The following SRSF10 variants were observed in gnomAD, a reference collection of about 807,000 sequenced individuals.
The protein encoded by SRSF10 is serine/arginine-rich splicing factor 10.
SRSF10 carries 9 observed loss-of-function variants against 32.6 expected under a neutral mutation model. The observed-to-expected ratio is 0.28, with a 90% CI of 0.17 to 0.48. SRSF10 has a LOEUF of 0.48. Ranked by LOEUF, SRSF10 falls within the 20% of genes least tolerant of loss-of-function variation. The pLI is 0.99. For missense variants in SRSF10, 201 were observed against 331.8 expected, an observed-to-expected ratio of 0.61 and a Z score of 3.06; for synonymous variants, 105 against 112.4, an observed-to-expected ratio of 0.93 and a Z score of 0.42.
rs1448861645 is a variant in SRSF10 at position 23,968,146 on chromosome 1, C to T, written c.*2996G>A. Among the ~76,000 whole-genome samples the T allele has an allele frequency of 5.3e-5, 8 of 152,014 alleles. No homozygotes were observed. The highest frequency in any genetic ancestry group is 1.2e-4 in the Non-Finnish European group (8 of 67,984). The stretch of plus-strand genomic sequence containing the variant: ...CTAACATAAAACACTACGTAAAGAT[C>T]CTCATCAAGTATCAGTAGGATCCAA... On this transcript the variant is annotated 3_prime_UTR_variant, in exon 6 of 6. Coordinates refer to ENST00000492112, the MANE Select transcript of SRSF10 (RefSeq NM_054016.4).
intron 1 of SRSF10, chr1:23,979,054 C>CTT (rs1220690496): frequency 2.0e-4 from 9 of 44,894 alleles, no homozygotes; most frequent in African/African-American, 6.6e-4. Flanking sequence ...GTATATAAGC[C>CTT]TTGTTTTTTT....
intron 1 of SRSF10, 95 bp from the exon 2 acceptor site, chr1:23,978,912 G>C (rs915663277): frequency 9.3e-7 from 1 of 1,079,314 alleles, no homozygotes. Flanking sequence ...TAGGATCCAA[G>C]AATTTGGAAG....
At chr1:23,972,122 A>C in intron 3 of SRSF10, 110 bp from the exon 4 acceptor site, 1 of 963,258 alleles carries the variant, frequency 1.0e-6, no homozygotes. Context: ...CAAAGAGAGT[A>C]TGTATGACCC....
rs1570760504 is a variant in SRSF10, at chr1:23,967,774, G to A, written c.*3368C>T. Reference sequence around the variant, plus strand: ...AGTTTGGTTTCCTTTATTCTTCTCTGTGGTATACAGGATTTTGTTAGTTGA... The same window carrying A: ...AGTTTGGTTTCCTTTATTCTTCTCTATGGTATACAGGATTTTGTTAGTTGA... On this transcript the variant is annotated 3_prime_UTR_variant, in exon 6 of 6. Transcript: ENST00000492112. 6.2e-7 allele frequency: 1 copy of A among 1,604,458 alleles called. No homozygotes were observed. Among genetic ancestry groups the A allele is most frequent in the Admixed American group, 1.7e-5 (1 of 58,544 alleles).
In SRSF10 at chr1:23,967,797, TG is replaced by T; in HGVS notation, c.*3344del. 1.3e-6 allele frequency: 2 copies of T among 1,591,660 alleles called. No homozygotes were observed. The highest frequency in any genetic ancestry group is 1.7e-6 in the Non-Finnish European group (2 of 1,166,860). On this transcript the variant is annotated 3_prime_UTR_variant, in exon 6 of 6. Transcript: ENST00000492112. The stretch of plus-strand genomic sequence containing the variant: ...CTGTGGTATACAGGATTTTGTTAGT[TG>T]AACTGGATGTAGCAGCTTACTGGGC...
rs36002299 is a variant in SRSF10 at position 23,967,960 on chromosome 1, CAAAAA to C, written c.*3177_*3181del. On this transcript the variant is annotated 3_prime_UTR_variant, in exon 6 of 6. Transcript: ENST00000492112. ...ATTTTTCTTCTTGCTTACTTGGCTTCAAAAAAAAAAAAAAAATGCAGAGAGATCTT... is the reference window on the plus strand; with the variant it reads ...ATTTTTCTTCTTGCTTACTTGGCTTCAAAAAAAAAAATGCAGAGAGATCTT... 6 of 1,447,812 alleles carry C rather than the reference CAAAAA, an allele frequency of 4.1e-6. No homozygotes were observed. The highest frequency in any genetic ancestry group is 3.0e-5 in the African/African-American group (2 of 65,916). 89.7% of individuals were successfully genotyped at this position (1,447,812 alleles called of 1,614,324 possible). A position where few individuals can be genotyped will look rare whatever the true frequency, so the allele number is the denominator to read the frequency against.
chr1:23,975,294 G>A (rs926325037), intron 2 of SRSF10: 1 of 517,492 alleles, frequency 1.9e-6, no homozygotes, highest in Non-Finnish European at 3.5e-6. Context: ...GAAAATGTAT[G>A]AATACATATT....
chr1:23,980,238 A>G lies in SRSF10; in HGVS notation c.18T>C (p.Arg6=). ...TGACGAACAGAGACGTGTTGGGGGG[A>G]CGCAGGTAGCGGGACATGGCGGCGG... is the stretch of plus-strand genomic sequence containing the variant. The part of the protein sequence containing the change: MSRYL[R]PPNTSLFVRN... Residue 6 remains arginine, a synonymous_variant, in exon 1 of 6, where the codon CGT becomes CGC. Coordinates refer to ENST00000492112, the MANE Select transcript of SRSF10 (RefSeq NM_054016.4). The G allele has an allele frequency of 2.0e-6, 3 of 1,511,866 alleles. No individual in the cohort carries two copies. The highest frequency in any genetic ancestry group is 2.9e-5 in the African/African-American group (2 of 69,310). The allele number at this position is 1,511,866 out of a possible 1,614,324, so 93.7% of individuals were successfully genotyped here. A position where few individuals can be genotyped will look rare whatever the true frequency, so the allele number is the denominator to read the frequency against.
At position 23,965,713 on chromosome 1, in the gene SRSF10, C is replaced by T. The variant is rs1394172082; in HGVS notation, c.*5429G>A. 3 of 151,792 alleles carry T rather than the reference C, an allele frequency of 2.0e-5. No homozygotes were observed. Among genetic ancestry groups the T allele is most frequent in the Non-Finnish European group, 2.9e-5 (2 of 67,818 alleles). The allele number at this position is 151,792 out of a possible 1,614,324, so 9.4% of individuals were successfully genotyped here. On this transcript the variant is annotated 3_prime_UTR_variant, in exon 6 of 6. Coordinates refer to ENST00000492112, the MANE Select transcript of SRSF10 (RefSeq NM_054016.4). ...TTCAACAGATGCAAAAATTAAAGGG[C>T]CTTTTCTGATTTACCATAATTAAAT...
Position 23,972,017 on chromosome 1 carries a change from G to C in SRSF10, c.275-5C>G. 6.8e-7 allele frequency: 1 copy of C among 1,470,514 alleles called. No individual in the cohort carries two copies. Among genetic ancestry groups the C allele is most frequent in the Non-Finnish European group, 9.0e-7 (1 of 1,114,564 alleles). The allele number at this position is 1,470,514 out of a possible 1,614,324, so 91.1% of individuals were successfully genotyped here. On this transcript the variant is annotated splice_polypyrimidine_tract_variant and splice_region_variant and intron_variant, in intron 3 of 5. Coordinates refer to ENST00000492112, the MANE Select transcript of SRSF10 (RefSeq NM_054016.4). ...TGGCTTTCATCTGATTTGGTGCTAGGAAATACAAAGAACAGAAATATTTAA... is the reference window on the plus strand; with the variant it reads ...TGGCTTTCATCTGATTTGGTGCTAGCAAATACAAAGAACAGAAATATTTAA...
rs1303656098 is a variant in SRSF10, at chr1:23,969,149, T to C, written c.*1993A>G. The C allele has an allele frequency of 1.0e-6, 1 of 985,554 alleles. No homozygotes were observed. The highest frequency in any genetic ancestry group is 1.2e-6 in the Non-Finnish European group (1 of 829,754). The allele number at this position is 985,554 out of a possible 1,614,324, so 61.1% of individuals were successfully genotyped here. A position where few individuals can be genotyped will look rare whatever the true frequency, so the allele number is the denominator to read the frequency against. ...AGCAAGCAGAAAATAAGCTGGGTCT[T>C]GTTTTGATCCAAACATTGATGTTTT... On this transcript the variant is annotated 3_prime_UTR_variant, in exon 6 of 6. Transcript: ENST00000492112.
rs1321222797 is a variant in SRSF10 at position 23,969,737 on chromosome 1, G to A, written c.*1405C>T. The A allele has an allele frequency of 3.0e-6, 3 of 985,192 alleles. No individual in the cohort carries two copies. The African/African-American group carries it at 5.2e-5, about 17-fold the overall frequency. 61.0% of individuals were successfully genotyped at this position (985,192 alleles called of 1,614,324 possible). A position where few individuals can be genotyped will look rare whatever the true frequency, so the allele number is the denominator to read the frequency against. On this transcript the variant is annotated 3_prime_UTR_variant, in exon 6 of 6. Coordinates refer to ENST00000492112, the MANE Select transcript of SRSF10 (RefSeq NM_054016.4). ...ATACTAGAAATTATAAATGGTTTAAGGGTATTACTTCATTTTTAGTCAGGT... is the reference window on the plus strand; with the variant it reads ...ATACTAGAAATTATAAATGGTTTAAAGGTATTACTTCATTTTTAGTCAGGT...
intron 3 of SRSF10, 101 bp from the exon 4 acceptor site, chr1:23,972,113 A>G (rs1326056034): frequency 3.8e-6 from 4 of 1,045,794 alleles, no homozygotes; most frequent in Non-Finnish European, 5.2e-6. Flanking sequence ...CTTATATCCC[A>G]AAGAGAGTAT....
Position 23,966,474 on chromosome 1 carries a change from G to A in SRSF10, c.*4668C>T, listed in dbSNP as rs1248652890. 4.6e-5 allele frequency: 7 copies of A among 151,974 alleles called. No homozygotes were observed. Among genetic ancestry groups the A allele is most frequent in the South Asian group, 2.1e-4 (1 of 4,824 alleles). The allele number at this position is 151,974 out of a possible 1,614,324, so 9.4% of individuals were successfully genotyped here. A position where few individuals can be genotyped will look rare whatever the true frequency, so the allele number is the denominator to read the frequency against. On this transcript the variant is annotated 3_prime_UTR_variant, in exon 6 of 6. Transcript: ENST00000492112. ...GTGATACTATAAAAGTTATTTATTCGCTATACACAGAACATGTCCCCTATA... is the reference window on the plus strand; with the variant it reads ...GTGATACTATAAAAGTTATTTATTCACTATACACAGAACATGTCCCCTATA...
intron 2 of SRSF10, chr1:23,977,339 A>G (rs1642153869): frequency 6.6e-6 from 1 of 152,228 alleles, no homozygotes; most frequent in Non-Finnish European, 1.5e-5. Context: ...GTCAGGGACC[A>G]GTCTCCCATA....
chr1:23,978,011 A>C, intron 2 of SRSF10: 2 of 985,478 alleles, frequency 2.0e-6, no homozygotes, highest in Non-Finnish European at 2.4e-6. Context: ...ATGCTTGGCC[A>C]AATATGACAG....
At chr1:23,975,177 T>C in intron 2 of SRSF10, 100 bp from the exon 3 acceptor site, 1 of 960,104 alleles carries the variant, frequency 1.0e-6, no homozygotes, top group Non-Finnish European at 1.7e-6. Context: ...CCAATATTAT[T>C]CCAGAACATC....
Position 23,967,976 on chromosome 1 carries a change from A to AG in SRSF10, c.*3165_*3166insC. 6.6e-7 allele frequency: 1 copy of AG among 1,520,916 alleles called. No individual in the cohort carries two copies. The highest frequency in any genetic ancestry group is 8.8e-7 in the Non-Finnish European group (1 of 1,132,440). The allele number at this position is 1,520,916 out of a possible 1,614,324, so 94.2% of individuals were successfully genotyped here. A position where few individuals can be genotyped will look rare whatever the true frequency, so the allele number is the denominator to read the frequency against. On this transcript the variant is annotated 3_prime_UTR_variant, in exon 6 of 6. Coordinates refer to ENST00000492112, the MANE Select transcript of SRSF10 (RefSeq NM_054016.4). ...ACTTGGCTTCAAAAAAAAAAAAAAA[A>AG]TGCAGAGAGATCTTAAGTAAAAGGA...
At chr1:23,974,616 G>T (rs1641972889) in intron 3 of SRSF10, among the ~76,000 whole-genome samples, 4 of 152,172 alleles carry the variant, frequency 2.6e-5, no homozygotes, top group Admixed American at 2.6e-4. Flanking sequence ...ATCACCTGAG[G>T]TGGGGAGTTC....
Sources: allele counts gnomAD v4.1 joint callset (sites outside exome capture counted in the v4.1 genomes callset), GRCh38; gene constraint gnomAD v4.1.1; transcripts MANE v1.5; gene names NCBI Gene and HGNC (gene_info 2026-07-23, HGNC 2026-07-21).